Variants in COMMD10 observed in about 807,000 individuals in gnomAD.
COMMD10 encodes the protein COMM domain containing 10.
In COMMD10, 33 loss-of-function variants were observed where a neutral mutation model predicts 28.9. That is an observed-to-expected ratio of 1.14 (90% CI 0.87 to 1.53). The LOEUF is 1.53. Ranked by LOEUF, COMMD10 falls within the 40% of genes most tolerant of loss-of-function variation. COMMD10 has a pLI of 0.00. For missense variants in COMMD10, 310 were observed against 233.4 expected, an observed-to-expected ratio of 1.33 and a Z score of -2.14; for synonymous variants, 110 against 81.7, an observed-to-expected ratio of 1.35 and a Z score of -1.87.
intron 5 of COMMD10, among the ~76,000 whole-genome samples, chr5:116,203,937 C>T (rs1420512529): frequency 2.0e-5 from 3 of 152,144 alleles, no homozygotes; most frequent in East Asian, 3.8e-4. Flanking sequence ...TTAAAAGACA[C>T]AGGCTGGCAA....
chr5:116,180,703 A>AT (rs1747926424), intron 5 of COMMD10, among the ~76,000 whole-genome samples: 1 of 152,022 alleles, frequency 6.6e-6, no homozygotes, highest in Admixed American at 6.6e-5. Flanking sequence ...TAACTAAAAA[A>AT]ATATATTCTT....
At chr5:116,162,136 CTATT>C (rs1035481746) in intron 5 of COMMD10, among the ~76,000 whole-genome samples, 2 of 152,060 alleles carry the variant, frequency 1.3e-5, no homozygotes, top group Non-Finnish European at 2.9e-5. Flanking sequence ...ATTCATTGAC[CTATT>C]TAAATTTGTG....
chr5:116,218,741 T>C (rs1749168335), intron 5 of COMMD10, among the ~76,000 whole-genome samples: 1 of 152,024 alleles, frequency 6.6e-6, no homozygotes, highest in South Asian at 2.1e-4. Context: ...ATGAGAACAT[T>C]TTAGGGACAG....
intron 5 of COMMD10, among the ~76,000 whole-genome samples, chr5:116,144,334 T>G (rs6594948): frequency 1.3e-5 from 2 of 151,628 alleles, no homozygotes; most frequent in East Asian, 3.9e-4. Flanking sequence ...CTAAGTAAAG[T>G]TAGAGGGAAG....
intron 5 of COMMD10, among the ~76,000 whole-genome samples, chr5:116,191,934 A>G (rs1282737787): frequency 6.8e-6 from 1 of 147,674 alleles, no homozygotes; most frequent in Admixed American, 6.7e-5. Context: ...CCACTGGAAC[A>G]GGTGCTGGTA....
chr5:116,155,288 G>C (rs553935643), intron 5 of COMMD10, among the ~76,000 whole-genome samples: 1 of 152,152 alleles, frequency 6.6e-6, no homozygotes, highest in African/African-American at 2.4e-5. Context: ...TAAATATGAA[G>C]TTTCTATTAA....
chr5:116,246,803 G>A (rs1177872370), intron 5 of COMMD10, among the ~76,000 whole-genome samples: 2 of 152,042 alleles, frequency 1.3e-5, no homozygotes, highest in Non-Finnish European at 2.9e-5. Context: ...GGTTGAAACT[G>A]GACCGTTTCC....
At chr5:116,262,569 A>T (rs993485195) in intron 5 of COMMD10, among the ~76,000 whole-genome samples, 1 of 151,798 alleles carries the variant, frequency 6.6e-6, no homozygotes, top group Admixed American at 6.6e-5. Flanking sequence ...TTTTTCAAGT[A>T]CATTAATTAT....
intron 4 of COMMD10, among the ~76,000 whole-genome samples, chr5:116,132,504 A>G (rs1751892801): frequency 6.6e-6 from 1 of 152,154 alleles, no homozygotes; most frequent in African/African-American, 2.4e-5. Context: ...GCCTGATCAC[A>G]GTGGGGTGTG....
intron 5 of COMMD10, among the ~76,000 whole-genome samples, chr5:116,191,224 A>G (rs775803937): frequency 3.3e-5 from 5 of 152,142 alleles, no homozygotes; most frequent in African/African-American, 4.8e-5. Flanking sequence ...AGCAGGGGGC[A>G]AAACTCCACA....
intron 5 of COMMD10, among the ~76,000 whole-genome samples, chr5:116,206,366 G>A (rs904356946): frequency 1.3e-5 from 2 of 152,130 alleles, no homozygotes; most frequent in South Asian, 2.1e-4. Flanking sequence ...CATTGGAGAC[G>A]GTGGTCGGGC....
chr5:116,265,056 C>T (rs1160320487), intron 5 of COMMD10, among the ~76,000 whole-genome samples: 2 of 151,692 alleles, frequency 1.3e-5, no homozygotes, highest in Non-Finnish European at 2.9e-5. Context: ...AATTTCATAG[C>T]CTCATTCTAT....
intron 5 of COMMD10, among the ~76,000 whole-genome samples, chr5:116,144,459 G>A (rs1369871811): frequency 6.6e-6 from 1 of 151,636 alleles, no homozygotes; most frequent in Admixed American, 6.6e-5. Flanking sequence ...TCTCTAAATT[G>A]GATACTAGAA....
chr5:116,169,984 G>A (rs1297392635), intron 5 of COMMD10, among the ~76,000 whole-genome samples: 1 of 152,216 alleles, frequency 6.6e-6, no homozygotes, highest in Non-Finnish European at 1.5e-5. Flanking sequence ...GGAAGCCCTG[G>A]CCAGGGCAAT....
intron 5 of COMMD10, among the ~76,000 whole-genome samples, chr5:116,238,714 A>G (rs138197676): frequency 6.6e-6 from 1 of 152,186 alleles, no homozygotes; most frequent in Non-Finnish European, 1.5e-5. Context: ...CAAGATGAAA[A>G]TCTCCAGCTC....
chr5:116,139,918 T>C (rs1752141709), intron 5 of COMMD10, among the ~76,000 whole-genome samples: 1 of 151,824 alleles, frequency 6.6e-6, no homozygotes, highest in African/African-American at 2.4e-5. Flanking sequence ...TCTATTTTCC[T>C]AGCAAAATTT....
At chr5:116,141,475 A>C (rs12054994) in intron 5 of COMMD10, among the ~76,000 whole-genome samples, 75,232 of 151,622 alleles carry the variant, frequency 0.5, 21,654 homozygotes, top group Non-Finnish European at 0.65. Context: ...ATGGAATTGC[A>C]TTGAATCCAT....
At chr5:116,170,016 G>C (rs1209152705) in intron 5 of COMMD10, among the ~76,000 whole-genome samples, 1 of 152,070 alleles carries the variant, frequency 6.6e-6, no homozygotes, top group African/African-American at 2.4e-5. Flanking sequence ...AAAAAATAAA[G>C]GGTATTCAAA....
intron 4 of COMMD10, among the ~76,000 whole-genome samples, chr5:116,109,875 C>A (rs567831200): frequency 6.6e-6 from 1 of 152,144 alleles, no homozygotes; most frequent in African/African-American, 2.4e-5. Context: ...TATCTCTTGC[C>A]TGATGGCTGT....
Sources: allele counts gnomAD v4.1 joint callset (sites outside exome capture counted in the v4.1 genomes callset), GRCh38; gene constraint gnomAD v4.1.1; transcripts MANE v1.5; gene names NCBI Gene and HGNC (gene_info 2026-07-23, HGNC 2026-07-21).